PDGFRB: variants seen among roughly 807,000 people sequenced by gnomAD.
The protein encoded by PDGFRB is platelet derived growth factor receptor beta.
A neutral mutation model predicts 120.2 loss-of-function variants in PDGFRB; 42 were observed. That is an observed-to-expected ratio of 0.35 (90% CI 0.27 to 0.45). PDGFRB has a LOEUF of 0.45. PDGFRB is among the 20% of genes least tolerant of loss of function. PDGFRB has a pLI of 1.00. For missense variants in PDGFRB, 1,149 were observed against 1,476.3 expected, an observed-to-expected ratio of 0.78 and a Z score of 3.63; for synonymous variants, 586 against 606.8, an observed-to-expected ratio of 0.97 and a Z score of 0.50.
In PDGFRB at chr5:150,121,005, G is replaced by A; in HGVS notation, c.2469C>T (p.Val823=). The A allele has an allele frequency of 6.2e-7, 1 of 1,614,022 alleles. No homozygotes were observed. The highest frequency in any genetic ancestry group is 8.5e-7 in the Non-Finnish European group (1 of 1,179,874). ...GMEFLASKNC[V]HRDLAARNVL... ...CGTTCCTAGCCGCCAGGTCTCTGTG[G>A]ACGCACTGGGTTTGGGGAGAGGGGA... Residue 823 remains valine, a synonymous_variant, in exon 18 of 23, where the codon GTC becomes GTT. Transcript: ENST00000261799. This position sits in a 1 kb window ranked among gnomAD's most constrained non-coding sequence, Gnocchi z 4.1.
intron 3 of PDGFRB, among the ~76,000 whole-genome samples, chr5:150,135,289 G>A (rs1760589246): frequency 6.6e-6 from 1 of 152,166 alleles, no homozygotes; most frequent in African/African-American, 2.4e-5. Context: ...AGGGATGTGG[G>A]GTCAAGAGGG....
intron 6 of PDGFRB, 43 bp downstream of exon 6, chr5:150,133,543 G>C (rs1428552619): frequency 6.5e-7 from 1 of 1,530,224 alleles, no homozygotes; most frequent in Non-Finnish European, 9.0e-7. Context: ...AGGGTGGGGA[G>C]CGTTGAAGGA....
intron 1 of PDGFRB, among the ~76,000 whole-genome samples, chr5:150,143,495 G>A (rs1226848459): frequency 6.6e-6 from 1 of 152,228 alleles, no homozygotes; most frequent in Non-Finnish European, 1.5e-5. Flanking sequence ...ACTCAGCTCA[G>A]AGAAGGCTGC....
At chr5:150,119,084 C>T (rs974090818) in intron 20 of PDGFRB, among the ~76,000 whole-genome samples, 3 of 152,236 alleles carry the variant, frequency 2.0e-5, no homozygotes, top group African/African-American at 7.2e-5. Flanking sequence ...TGGGTGAGCA[C>T]AGGAGCCAAC....
chr5:150,152,370 T>C (rs1355660189), intron 1 of PDGFRB, among the ~76,000 whole-genome samples: 1 of 152,188 alleles, frequency 6.6e-6, no homozygotes, highest in Non-Finnish European at 1.5e-5. Context: ...TGTTATATCA[T>C]CATGCTCACA....
chr5:150,115,979 G>C (rs1759918277), intron 22 of PDGFRB, 33 bp from the exon 23 acceptor site: 1 of 1,542,320 alleles, frequency 6.5e-7, no homozygotes, highest in Non-Finnish European at 8.8e-7. Flanking sequence ...GAGGGGCTAG[G>C]AAGGAGCCCA....
rs1244569577 is a variant in PDGFRB, at chr5:150,115,747, G to C, written c.*16C>G. The C allele has an allele frequency of 7.6e-6, 12 of 1,571,486 alleles. No individual in the cohort carries two copies. Among genetic ancestry groups the C allele is most frequent in the Non-Finnish European group, 1.0e-5 (12 of 1,157,272 alleles). On this transcript the variant is annotated 3_prime_UTR_variant, in exon 23 of 23. Transcript: ENST00000261799. The stretch of plus-strand genomic sequence containing the variant: ...AGGGGGGGAGCTTCAGGCAGGGCAG[G>C]GTAGGGGCCAGCCCCCTACAGGAAG...
At chr5:150,127,611 G>A (rs900886521) in intron 10 of PDGFRB, among the ~76,000 whole-genome samples, 13 of 152,162 alleles carry the variant, frequency 8.5e-5, no homozygotes, top group Admixed American at 3.3e-4. Context: ...CAAGGTGGGC[G>A]GATCACGAGG....
chr5:150,149,218 G>A (rs958123653), intron 1 of PDGFRB, among the ~76,000 whole-genome samples: 4 of 152,220 alleles, frequency 2.6e-5, no homozygotes, highest in African/African-American at 9.7e-5. Context: ...CTGTGGATTA[G>A]GATGGGGACA....
Position 150,132,559 on chromosome 5 carries a change from G to C in PDGFRB, c.1127+191C>G, listed in dbSNP as rs949048048. Among the ~76,000 whole-genome samples, 1 of 152,242 alleles carries C rather than the reference G, an allele frequency of 6.6e-6. No individual in the cohort carries two copies. The highest frequency in any genetic ancestry group is 2.4e-5 in the African/African-American group (1 of 41,462). ...CTGGGTGATCATCTGACCGGCGACT[G>C]TTTCCTCCACTAGACTAGAAACTCT... On this transcript the variant is annotated intron_variant, in intron 7 of 22. Transcript: ENST00000261799. The surrounding 1 kb of genome is among the most constrained non-coding windows in gnomAD (Gnocchi z 5.0).
intron 2 of PDGFRB, among the ~76,000 whole-genome samples, chr5:150,136,179 T>A (rs1562013751): frequency 2.0e-5 from 3 of 152,112 alleles, no homozygotes; most frequent in African/African-American, 4.8e-5. Context: ...CGGGAAGCAA[T>A]TCCCTGGCCT....
chr5:150,155,530 G>A lies in PDGFRB; in HGVS notation c.-140C>T. Reference sequence around the variant, plus strand: ...TCCCAGAGTGGGTAACAGCTGAGTAGAAGGACAGGCAGGACTGGTGCAGGC... The same window carrying A: ...TCCCAGAGTGGGTAACAGCTGAGTAAAAGGACAGGCAGGACTGGTGCAGGC... On this transcript the variant is annotated 5_prime_UTR_variant, in exon 1 of 23. Transcript: ENST00000261799. 2.5e-6 allele frequency: 1 copy of A among 398,674 alleles called. No individual in the cohort carries two copies. Among genetic ancestry groups the A allele is most frequent in the Non-Finnish European group, 4.4e-6 (1 of 226,170 alleles). 24.7% of individuals were successfully genotyped at this position (398,674 alleles called of 1,614,324 possible).
Position 150,114,242 on chromosome 5 carries a change from C to T in PDGFRB, c.*1521G>A. The T allele has an allele frequency of 1.3e-5, 3 of 233,320 alleles. No individual in the cohort carries two copies. Among genetic ancestry groups the T allele is most frequent in the Admixed American group, 1.1e-4 (2 of 17,810 alleles). 14.5% of individuals were successfully genotyped at this position (233,320 alleles called of 1,614,324 possible). ...GTCTGGGCAGTGACAAAACCATACC[C>T]CCATGGAGCGCTGCCTCAGGGATGG... is the stretch of plus-strand genomic sequence containing the variant. On this transcript the variant is annotated 3_prime_UTR_variant, in exon 23 of 23. Coordinates refer to ENST00000261799, the MANE Select transcript of PDGFRB (RefSeq NM_002609.4).
At chr5:150,135,175 C>T (rs528351576) in intron 3 of PDGFRB, among the ~76,000 whole-genome samples, 159 bp from the exon 4 acceptor site, 1 of 152,258 alleles carries the variant, frequency 6.6e-6, no homozygotes, top group South Asian at 2.1e-4. Context: ...TAGAGCTGGT[C>T]CCTTCCAGCT....
intron 11 of PDGFRB, 106 bp downstream of exon 11, chr5:150,126,414 C>A: frequency 1.3e-6 from 1 of 741,206 alleles, no homozygotes; most frequent in South Asian, 1.5e-5. Flanking sequence ...CATGCTGAGC[C>A]CTGCATGTGG....
At chr5:150,147,005 G>A (rs1206391368) in intron 1 of PDGFRB, among the ~76,000 whole-genome samples, 2 of 152,226 alleles carry the variant, frequency 1.3e-5, no homozygotes, top group African/African-American at 4.8e-5. Flanking sequence ...CAGAGGCTGA[G>A]GGTGAGCACA....
In PDGFRB at chr5:150,124,842, G is replaced by C; in HGVS notation, c.1808-11C>G. ...AGCCGAGGGTGCGTCCTGGTGCAGA[G>C]ATGATCCATTAGCTCCTGGCCTACC... On this transcript the variant is annotated splice_polypyrimidine_tract_variant and intron_variant, in intron 12 of 22. Transcript: ENST00000261799. 1 of 1,482,648 alleles carries C rather than the reference G, an allele frequency of 6.7e-7. No individual in the cohort carries two copies. Among genetic ancestry groups the C allele is most frequent in the Non-Finnish European group, 9.3e-7 (1 of 1,074,780 alleles). The allele number at this position is 1,482,648 out of a possible 1,614,324, so 91.8% of individuals were successfully genotyped here. A position where few individuals can be genotyped will look rare whatever the true frequency, so the allele number is the denominator to read the frequency against.
chr5:150,117,540 G>C (rs145076822), intron 22 of PDGFRB, 78 bp downstream of exon 22: 30 of 593,402 alleles, frequency 5.1e-5, no homozygotes, highest in Middle Eastern at 4.8e-4. Flanking sequence ...GCGCGCGCGC[G>C]CGCGCACACA....
intron 1 of PDGFRB, among the ~76,000 whole-genome samples, chr5:150,147,384 C>G (rs1041250626): frequency 6.6e-6 from 1 of 152,192 alleles, no homozygotes; most frequent in African/African-American, 2.4e-5. Context: ...GTGCGGCAGG[C>G]GCAGACAAGC....
Sources: gnomAD v4.1 joint callset for allele counts (sites outside exome capture counted in the v4.1 genomes callset) on GRCh38, gnomAD v4.1.1 for gene constraint, Gnocchi (gnomAD v3.1) non-coding constraint, MANE v1.5 for transcripts, NCBI Gene and HGNC (gene_info 2026-07-23, HGNC 2026-07-21) for gene names.